NLGN1: variants seen among roughly 807,000 people sequenced by gnomAD.
NLGN1 encodes neuroligin-1.
NLGN1 carries 12 observed loss-of-function variants against 65.5 expected under a neutral mutation model. The observed-to-expected ratio is 0.18, with a 90% CI of 0.12 to 0.30. NLGN1 has a LOEUF of 0.30. Ranked by LOEUF, NLGN1 falls within the 10% of genes least tolerant of loss-of-function variation. The pLI, the probability that NLGN1 is intolerant of heterozygous loss-of-function variation, is 1.00. For synonymous variants in NLGN1, 350 were observed against 359.5 expected (o/e 0.97, Z 0.30); for missense variants, 750 against 1,007.1 (o/e 0.74, Z 3.46).
intron 4 of NLGN1, among the ~76,000 whole-genome samples, chr3:174,190,229 AT>A (rs1421181284): frequency 2.0e-5 from 3 of 151,984 alleles, no homozygotes; most frequent in East Asian, 1.9e-4. Flanking sequence ...TTTGCTCCAT[AT>A]TTTTTTAAAG....
Position 173,741,702 on chromosome 3 carries a change from A to G in NLGN1, c.494-65978A>G, listed in dbSNP as rs549373357. Among the ~76,000 whole-genome samples, 3 of 152,174 alleles carry G rather than the reference A, an allele frequency of 2.0e-5. No individual in the cohort carries two copies. The East Asian group carries it at 5.8e-4, about 30-fold the overall frequency. On this transcript the variant is annotated intron_variant, in intron 3 of 6. Transcript: ENST00000457714. ...GAGATGGGGTTTCACCATGTTGGCT[A>G]GGCTGATCTCGATCTCCTGACCTCA... is the stretch of plus-strand genomic sequence containing the variant.
intron 4 of NLGN1, among the ~76,000 whole-genome samples, chr3:173,838,108 C>A (rs939539149): frequency 8.6e-5 from 13 of 151,692 alleles, no homozygotes; most frequent in Non-Finnish European, 1.8e-4. Flanking sequence ...TTTTGATTCC[C>A]AGCTCAAGGT....
At chr3:173,473,062 G>C (rs1277075115) in intron 2 of NLGN1, among the ~76,000 whole-genome samples, 1 of 152,130 alleles carries the variant, frequency 6.6e-6, no homozygotes, top group East Asian at 1.9e-4. Context: ...TTATTTTCAA[G>C]TATAAGAATT....
intron 4 of NLGN1, among the ~76,000 whole-genome samples, chr3:174,108,544 T>C (rs1272975051): frequency 1.3e-5 from 2 of 152,044 alleles, no homozygotes; most frequent in African/African-American, 4.8e-5. Context: ...TCAGGAACTA[T>C]TGCAATAGGA....
intron 4 of NLGN1, among the ~76,000 whole-genome samples, chr3:174,145,535 C>A (rs572069354): frequency 6.6e-6 from 1 of 151,578 alleles, no homozygotes; most frequent in South Asian, 2.1e-4. Context: ...AGAAAAAAAA[C>A]AGATAAAATA....
At chr3:174,122,115 C>T (rs1014402227) in intron 4 of NLGN1, among the ~76,000 whole-genome samples, 5 of 152,234 alleles carry the variant, frequency 3.3e-5, no homozygotes, top group African/African-American at 1.2e-4. Context: ...TTAACATACC[C>T]TGTAGAGTTT....
chr3:173,685,006 G>T (rs775035356), intron 3 of NLGN1, among the ~76,000 whole-genome samples: 2 of 146,862 alleles, frequency 1.4e-5, no homozygotes, highest in Non-Finnish European at 3.0e-5. Context: ...TTTAATGTGT[G>T]CCACCAGTTG....
intron 2 of NLGN1, among the ~76,000 whole-genome samples, chr3:173,476,646 C>T (rs1347766962): frequency 6.6e-6 from 1 of 152,140 alleles, no homozygotes; most frequent in Non-Finnish European, 1.5e-5. Context: ...TCCTGTGCTA[C>T]ACTAAGGAAT....
chr3:174,274,318 A>C (rs1750094072), intron 4 of NLGN1, among the ~76,000 whole-genome samples: 1 of 151,904 alleles, frequency 6.6e-6, no homozygotes, highest in South Asian at 2.1e-4. Flanking sequence ...TAACTATAAA[A>C]GCTATCAGGT....
At chr3:173,449,174 T>C (rs556744452) in intron 2 of NLGN1, among the ~76,000 whole-genome samples, 1 of 152,138 alleles carries the variant, frequency 6.6e-6, no homozygotes, top group Non-Finnish European at 1.5e-5. Context: ...ATTTTAGATC[T>C]TTCCTGCTTT....
In NLGN1 at chr3:174,247,276, T is replaced by C. The variant is rs944797874; in HGVS notation, c.647-28039T>C. On this transcript the variant is annotated intron_variant, in intron 4 of 6. Transcript: ENST00000457714. ...ATGTACAGTCGTTGAATGACTATTA[T>C]GTGTCAGGTTCTGAAGATACGTATC... Among the ~76,000 whole-genome samples, 5 of 152,346 alleles carry C rather than the reference T, an allele frequency of 3.3e-5. 1 individual carries two copies. Among genetic ancestry groups the C allele is most frequent in the Admixed American group, 3.3e-4 (5 of 15,306 alleles).
chr3:173,853,210 G>T (rs1727315385), intron 4 of NLGN1, among the ~76,000 whole-genome samples: 2 of 152,164 alleles, frequency 1.3e-5, no homozygotes, highest in African/African-American at 4.8e-5. Flanking sequence ...AATGACAAAT[G>T]CTACTTTTAT....
chr3:173,411,598 G>A (rs551182118), intron 1 of NLGN1, among the ~76,000 whole-genome samples: 6 of 152,264 alleles, frequency 3.9e-5, no homozygotes, highest in African/African-American at 1.4e-4. Context: ...CTGGGGTTTA[G>A]TAAACATGAC....
chr3:173,449,747 T>A lies in NLGN1; in HGVS notation c.-321+14669T>A, dbSNP rs1281182452. Among the ~76,000 whole-genome samples, 3 of 152,240 alleles carry A rather than the reference T, an allele frequency of 2.0e-5. No individual in the cohort carries two copies. In the South Asian group the frequency reaches 6.2e-4, roughly 32 times the overall value. On this transcript the variant is annotated intron_variant, in intron 2 of 6. Coordinates refer to ENST00000457714, the Ensembl canonical transcript of NLGN1. The stretch of plus-strand genomic sequence containing the variant: ...CTTGCTTTATGAATCTGGGTGCTGC[T>A]GTATTGGGTGCGTATATATTTAGGA...
intron 4 of NLGN1, among the ~76,000 whole-genome samples, chr3:173,849,018 A>G (rs1726364097): frequency 6.6e-6 from 1 of 152,160 alleles, no homozygotes; most frequent in African/African-American, 2.4e-5. Flanking sequence ...ATAACCTTCT[A>G]AAATCCATCA....
chr3:173,598,337 C>A (rs1247816543), intron 2 of NLGN1, among the ~76,000 whole-genome samples: 1 of 152,148 alleles, frequency 6.6e-6, no homozygotes, highest in Non-Finnish European at 1.5e-5. Context: ...GCTGTTACAT[C>A]ATATATTCAT....
chr3:173,601,909 G>T (rs73880515), intron 2 of NLGN1, among the ~76,000 whole-genome samples: 1 of 151,870 alleles, frequency 6.6e-6, no homozygotes, highest in African/African-American at 2.4e-5. Flanking sequence ...CTGAGACTTC[G>T]TCTTCTGAAG....
chr3:173,634,560 A>G (rs577832632), intron 3 of NLGN1, among the ~76,000 whole-genome samples: 3 of 152,298 alleles, frequency 2.0e-5, no homozygotes, highest in African/African-American at 4.8e-5. Context: ...TCAGTAATGC[A>G]TATCTTTTTT....
chr3:174,009,838 G>A (rs970145807), intron 4 of NLGN1, among the ~76,000 whole-genome samples: 1 of 151,968 alleles, frequency 6.6e-6, no homozygotes, highest in African/African-American at 2.4e-5. Context: ...TGGCTCAGCT[G>A]GGCAAAAAGG....
Sources: allele counts gnomAD v4.1 joint callset (sites outside exome capture counted in the v4.1 genomes callset), GRCh38; gene constraint gnomAD v4.1.1; transcripts MANE v1.5; gene names NCBI Gene and HGNC (gene_info 2026-07-23, HGNC 2026-07-21).